The following UMAD1 variants were observed in gnomAD, a reference collection of about 807,000 sequenced individuals.
The protein encoded by UMAD1 is UBAP1-MVB12-associated (UMA) domain containing 1, also known as UBAP1-MVB12-associated (UMA)-domain containing protein 1.
UMAD1 carries 8 observed loss-of-function variants against 6.1 expected under a neutral mutation model. The ratio of observed to expected loss-of-function variants is 1.30; its 90% CI spans 0.76 to 2.35. UMAD1 has a LOEUF of 2.35. Among genes scored for constraint, UMAD1 ranks in the 30% most tolerant of loss-of-function variants. The probability of loss-of-function intolerance (pLI) is 0.00; values close to 1 mark genes in which losing one functional copy is unlikely to be tolerated. For synonymous variants in UMAD1, 56 were observed against 31.4 expected (o/e 1.78, Z -2.61); for missense variants, 130 against 78.4 (o/e 1.66, Z -2.49).
At chr7:7,788,339 A>G (rs1425308260) in intron 2 of UMAD1, among the ~76,000 whole-genome samples, 4 of 152,142 alleles carry the variant, frequency 2.6e-5, no homozygotes, top group Non-Finnish European at 5.9e-5. Context: ...GGGTTGGGGA[A>G]TATTTTAGGC....
At chr7:7,724,409 A>G (rs1050858407) in intron 2 of UMAD1, among the ~76,000 whole-genome samples, 6 of 152,164 alleles carry the variant, frequency 3.9e-5, no homozygotes, top group Non-Finnish European at 7.4e-5. Flanking sequence ...AGACACACTT[A>G]GTAGCTGGCA....
intron 1 of UMAD1, among the ~76,000 whole-genome samples, chr7:7,661,226 T>C (rs113543028): frequency 0.069 from 10,500 of 152,206 alleles, 397 homozygotes; most frequent in Admixed American, 0.11. Flanking sequence ...AACCTTTTTT[T>C]CCAAGGTTCT....
intron 1 of UMAD1, among the ~76,000 whole-genome samples, chr7:7,671,479 C>A (rs539917465): frequency 1.3e-3 from 192 of 152,282 alleles, no homozygotes; most frequent in African/African-American, 4.1e-3. Context: ...TTAGCTGAGG[C>A]TGAGTTTTAA....
chr7:7,771,124 G>GTT (rs71543846), intron 2 of UMAD1, among the ~76,000 whole-genome samples: 65 of 145,764 alleles, frequency 4.5e-4, no homozygotes, highest in East Asian at 1.0e-3. Context: ...GTTTTTGTTA[G>GTT]TTTTTTTTTT....
Position 7,833,881 on chromosome 7 carries a change from A to G in UMAD1, c.156+32138A>G, listed in dbSNP as rs143662633. On this transcript the variant is annotated intron_variant, in intron 3 of 3. Coordinates refer to ENST00000682710, the MANE Select transcript of UMAD1 (RefSeq NM_001302348.2). ...GAACAGTATTCTCCTATCTAATCTT[A>G]CAAAAGTCTGCTTCCCATCTTATTC... Among the ~76,000 whole-genome samples the G allele has an allele frequency of 3.9e-5, 6 of 152,294 alleles. No individual in the cohort carries two copies. In the East Asian group the frequency reaches 1.2e-3, roughly 29 times the overall value.
intron 3 of UMAD1, chr7:7,868,477 G>A (rs895213422): frequency 5.3e-5 from 8 of 151,938 alleles, no homozygotes; most frequent in Non-Finnish European, 8.8e-5. Flanking sequence ...AGAGGAAGTC[G>A]GGAGAACATT....
intron 3 of UMAD1, among the ~76,000 whole-genome samples, chr7:7,815,511 T>C (rs950621520): frequency 2.0e-5 from 3 of 152,138 alleles, no homozygotes; most frequent in African/African-American, 7.2e-5. Context: ...AGAAGTCTCA[T>C]AGAAGGTAGT....
At chr7:7,848,168 A>G (rs1168647247) in intron 3 of UMAD1, among the ~76,000 whole-genome samples, 6 of 152,134 alleles carry the variant, frequency 3.9e-5, no homozygotes, top group African/African-American at 1.4e-4. Context: ...ACCTGTTTCA[A>G]TTTACTAGTC....
intron 2 of UMAD1, among the ~76,000 whole-genome samples, chr7:7,700,367 A>C (rs1256134912): frequency 3.3e-5 from 5 of 152,200 alleles, no homozygotes; most frequent in East Asian, 1.9e-4. Flanking sequence ...ATTTCATTTC[A>C]TGAATTTTGA....
At chr7:7,715,860 C>T (rs7456324) in intron 2 of UMAD1, among the ~76,000 whole-genome samples, 3 of 152,024 alleles carry the variant, frequency 2.0e-5, no homozygotes, top group Non-Finnish European at 2.9e-5. Context: ...AAAATAGTAT[C>T]GTGATAGCAT....
intron 1 of UMAD1, among the ~76,000 whole-genome samples, chr7:7,669,601 CTT>C (rs1384085602): frequency 6.6e-6 from 1 of 152,168 alleles, no homozygotes; most frequent in African/African-American, 2.4e-5. Context: ...TGGCATGAGT[CTT>C]TAGCATCAGC....
intron 2 of UMAD1, among the ~76,000 whole-genome samples, chr7:7,786,080 A>G (rs1030630701): frequency 2.0e-5 from 3 of 152,162 alleles, no homozygotes; most frequent in African/African-American, 7.2e-5. Context: ...ATGATGTCTC[A>G]TTACTTTCCA....
intron 2 of UMAD1, chr7:7,738,645 G>C (rs1389440549): frequency 6.6e-6 from 1 of 152,210 alleles, no homozygotes; most frequent in Non-Finnish European, 1.5e-5. Context: ...TAGGGCTGTG[G>C]CTACCGAGTG....
chr7:7,874,118 G>A (rs1218125544), intron 3 of UMAD1, among the ~76,000 whole-genome samples: 2 of 152,108 alleles, frequency 1.3e-5, no homozygotes, highest in Non-Finnish European at 2.9e-5. Flanking sequence ...TCATCGCTCA[G>A]GCCAAGAGCT....
At chr7:7,665,400 T>C (rs543293128) in intron 1 of UMAD1, among the ~76,000 whole-genome samples, 1 of 152,356 alleles carries the variant, frequency 6.6e-6, no homozygotes, top group Admixed American at 6.5e-5. Context: ...AAGAAACATT[T>C]TGCTTTTTAT....
chr7:7,819,248 G>C (rs1783195563), intron 3 of UMAD1, among the ~76,000 whole-genome samples: 1 of 152,116 alleles, frequency 6.6e-6, no homozygotes, highest in Non-Finnish European at 1.5e-5. Flanking sequence ...TTAGGAATTT[G>C]ACAAAATAAG....
intron 2 of UMAD1, among the ~76,000 whole-genome samples, chr7:7,694,009 A>AG (rs1780243446): frequency 6.6e-6 from 1 of 152,096 alleles, no homozygotes; most frequent in Admixed American, 6.5e-5. Flanking sequence ...TGCTTTGTTG[A>AG]TATAAGGCAA....
intron 3 of UMAD1, among the ~76,000 whole-genome samples, chr7:7,822,246 G>A (rs1464585230): frequency 6.6e-6 from 1 of 152,084 alleles, no homozygotes; most frequent in East Asian, 1.9e-4. Flanking sequence ...AAGTCACACT[G>A]TATGAAAAAG....
chr7:7,834,766 A>G (rs962052870), intron 3 of UMAD1, among the ~76,000 whole-genome samples: 3 of 152,198 alleles, frequency 2.0e-5, no homozygotes, highest in African/African-American at 4.8e-5. Flanking sequence ...GGGCTTCAAC[A>G]TATGAATTGA....
Sources: gnomAD v4.1 joint callset for allele counts (sites outside exome capture counted in the v4.1 genomes callset) on GRCh38, gnomAD v4.1.1 for gene constraint, MANE v1.5 for transcripts, NCBI Gene and HGNC (gene_info 2026-07-23, HGNC 2026-07-21) for gene names.